The following CYP2C18 variants were observed in gnomAD, a reference collection of about 807,000 sequenced individuals.
The protein encoded by CYP2C18 is cytochrome P450 family 2 subfamily C member 18, also known as cytochrome P450 2C18.
In CYP2C18, 38 loss-of-function variants were observed where a neutral mutation model predicts 41.3. That is an observed-to-expected ratio of 0.92 (90% CI 0.71 to 1.21). The LOEUF is 1.21. Among genes scored for constraint, CYP2C18 ranks in the 50% most tolerant of loss-of-function variants. The pLI, the probability that CYP2C18 is intolerant of heterozygous loss-of-function variation, is 0.00. For synonymous variants in CYP2C18, 236 were observed against 210.0 expected (o/e 1.12, Z -1.07); for missense variants, 635 against 591.4 (o/e 1.07, Z -0.77).
At chr10:94,724,315 T>C in intron 6 of CYP2C18, 31 bp from the exon 7 acceptor site, 2 of 1,610,870 alleles carry the variant, frequency 1.2e-6, no homozygotes, top group Non-Finnish European at 1.7e-6. Context: ...TTTTCCTCCT[T>C]TTCCATCATT....
At chr10:94,684,148 A>G (rs1373503070) in intron 1 of CYP2C18, among the ~76,000 whole-genome samples, 161 bp downstream of exon 1, 1 of 152,222 alleles carries the variant, frequency 6.6e-6, no homozygotes, top group Non-Finnish European at 1.5e-5. Flanking sequence ...TGATCATATC[A>G]GGGTAATTAG....
intron 4 of CYP2C18, among the ~76,000 whole-genome samples, chr10:94,702,817 G>T (rs948441410): frequency 2.6e-5 from 4 of 152,018 alleles, no homozygotes; most frequent in African/African-American, 9.7e-5. Context: ...AGGCATTCTG[G>T]TTTTTGGAAT....
chr10:94,684,090 A>G (rs1383623145), intron 1 of CYP2C18, 103 bp downstream of exon 1: 1 of 772,500 alleles, frequency 1.3e-6, no homozygotes, highest in Non-Finnish European at 1.9e-6. Context: ...AATTGTATAT[A>G]TTAATGGGGT....
At chr10:94,719,465 A>G (rs1347717261) in intron 5 of CYP2C18, among the ~76,000 whole-genome samples, 1 of 151,686 alleles carries the variant, frequency 6.6e-6, no homozygotes, top group Non-Finnish European at 1.5e-5. Context: ...GTGCAGTGGC[A>G]TGAACATGCT....
chr10:94,684,001 A>G lies in CYP2C18; in HGVS notation c.168+14A>G, dbSNP rs1846836554. On this transcript the variant is annotated intron_variant, in intron 1 of 8. Coordinates refer to ENST00000285979, the MANE Select transcript of CYP2C18 (RefSeq NM_000772.3). Reference sequence around the variant, plus strand: ...TCCTTAACCAATGTAAGTATGCTTTATGTTCCTCCAGTAATGTACAAGGTG... The same window carrying G: ...TCCTTAACCAATGTAAGTATGCTTTGTGTTCCTCCAGTAATGTACAAGGTG... 6.3e-7 allele frequency: 1 copy of G among 1,579,840 alleles called. No homozygotes were observed. Among genetic ancestry groups the G allele is most frequent in the African/African-American group, 1.3e-5 (1 of 74,190 alleles).
intron 5 of CYP2C18, among the ~76,000 whole-genome samples, chr10:94,714,996 T>TAAG (rs1012710920): frequency 1.2e-4 from 18 of 152,328 alleles, no homozygotes; most frequent in African/African-American, 4.3e-4. Context: ...TATTGGTGTA[T>TAAG]AAGAATACTT....
At chr10:94,696,668 G>A (rs902945932) in intron 4 of CYP2C18, among the ~76,000 whole-genome samples, 76 of 151,904 alleles carry the variant, frequency 5.0e-4, no homozygotes, top group Non-Finnish European at 1.2e-4. Context: ...GACTTCAGAC[G>A]ATCAAACTAC....
At chr10:94,685,767 C>T (rs746760738) in intron 1 of CYP2C18, among the ~76,000 whole-genome samples, 1 of 152,082 alleles carries the variant, frequency 6.6e-6, no homozygotes, top group African/African-American at 2.4e-5. Context: ...TATTTTTATG[C>T]TAATGCTATG....
chr10:94,723,144 A>G (rs1389743248), intron 6 of CYP2C18, among the ~76,000 whole-genome samples: 2 of 152,148 alleles, frequency 1.3e-5, no homozygotes, highest in Non-Finnish European at 2.9e-5. Flanking sequence ...TAGATAAAGA[A>G]TATTTTCAGA....
intron 5 of CYP2C18, among the ~76,000 whole-genome samples, chr10:94,711,507 A>C (rs1480101521): frequency 6.6e-6 from 1 of 152,148 alleles, no homozygotes; most frequent in East Asian, 1.9e-4. Context: ...TTCTGGACTC[A>C]AGTGATCCTC....
At chr10:94,721,205 G>A (rs181574040) in intron 6 of CYP2C18, among the ~76,000 whole-genome samples, 2 of 151,968 alleles carry the variant, frequency 1.3e-5, no homozygotes, top group Admixed American at 6.6e-5. Flanking sequence ...AGTAGAGACG[G>A]GGTTTCACCA....
chr10:94,695,335 C>T (rs1455402678), intron 4 of CYP2C18, among the ~76,000 whole-genome samples: 1 of 151,998 alleles, frequency 6.6e-6, no homozygotes, highest in Non-Finnish European at 1.5e-5. Context: ...ATGTTCCCCT[C>T]CCTGTGCCCA....
chr10:94,723,351 G>A (rs1847678655), intron 6 of CYP2C18, among the ~76,000 whole-genome samples: 1 of 152,120 alleles, frequency 6.6e-6, no homozygotes, highest in African/African-American at 2.4e-5. Context: ...CTTTAGAATG[G>A]ACCAGGTGGA....
intron 2 of CYP2C18, 92 bp downstream of exon 2, chr10:94,688,024 C>T: frequency 1.3e-6 from 2 of 1,595,116 alleles, no homozygotes; most frequent in East Asian, 4.5e-5. Flanking sequence ...GCTTGAAGAG[C>T]TCCTGGGACA....
rs11188057 is a variant in CYP2C18, at chr10:94,695,057, C to T, written c.622C>T (p.Leu208=). 1.2e-6 allele frequency: 2 copies of T among 1,612,364 alleles called. No individual in the cohort carries two copies. The highest frequency in any genetic ancestry group is 1.3e-5 in the African/African-American group (1 of 74,876). The change falls in exon 4 of 9, where the codon CTG becomes TTG. Residue 208 remains leucine (L), a synonymous_variant. Transcript: ENST00000285979. ...AAAATTCAATGAAAACCTCAGGATT[C>T]TGAGCTCTCCATGGATCCAGGTGAG... ...MEKFNENLRI[L]SSPWIQVCNN...
chr10:94,719,338 C>T (rs1847608812), intron 5 of CYP2C18, among the ~76,000 whole-genome samples: 1 of 152,140 alleles, frequency 6.6e-6, no homozygotes, highest in South Asian at 2.1e-4. Context: ...TACTGTAGCT[C>T]TGAAGCATCC....
At chr10:94,703,537 G>A (rs565879213) in intron 4 of CYP2C18, among the ~76,000 whole-genome samples, 5 of 152,144 alleles carry the variant, frequency 3.3e-5, no homozygotes, top group Non-Finnish European at 7.3e-5. Flanking sequence ...ACACTGTGAG[G>A]GGAAAACCGC....
intron 5 of CYP2C18, among the ~76,000 whole-genome samples, chr10:94,711,763 T>C (rs951153917): frequency 2.0e-5 from 3 of 152,108 alleles, no homozygotes; most frequent in African/African-American, 7.2e-5. Flanking sequence ...GTGGTTGTTA[T>C]ACTGTATTTT....
intron 7 of CYP2C18, among the ~76,000 whole-genome samples, chr10:94,732,893 T>A (rs1847857752): frequency 6.6e-6 from 1 of 151,880 alleles, no homozygotes; most frequent in South Asian, 2.1e-4. Context: ...ACCCTAAACC[T>A]CAGCATCACA....
Sources: allele counts gnomAD v4.1 joint callset (sites outside exome capture counted in the v4.1 genomes callset), GRCh38; gene constraint gnomAD v4.1.1; transcripts MANE v1.5; gene names NCBI Gene and HGNC (gene_info 2026-07-23, HGNC 2026-07-21).